The following GLIS3 variants were observed in gnomAD, a reference collection of about 807,000 sequenced individuals.
The protein encoded by GLIS3 is GLIS family zinc finger 3.
Under a neutral mutation model 78.6 loss-of-function variants are expected in GLIS3, and 53 were observed. The ratio of observed to expected loss-of-function variants is 0.67; its 90% CI spans 0.54 to 0.85. GLIS3 has a LOEUF of 0.85. GLIS3 is among the 40% of genes least tolerant of loss of function. The pLI is 0.00. For missense variants in GLIS3, 1,703 were observed against 1,231.1 expected (o/e 1.38, Z -5.74); for synonymous variants, 684 against 509.9 (o/e 1.34, Z -4.60).
the GLIS3 span, among the ~76,000 whole-genome samples, chr9:4,393,930 A>C: frequency 6.6e-6 from 1 of 152,072 alleles, no homozygotes; most frequent in South Asian, 2.1e-4. Context: ...TTTATGACCC[A>C]GTGGGCCTGA....
intron 1 of GLIS3, among the ~76,000 whole-genome samples, chr9:4,298,209 G>C (rs949730451): frequency 5.9e-5 from 9 of 151,968 alleles, no homozygotes; most frequent in African/African-American, 2.2e-4. Flanking sequence ...CCTGTAGCCC[G>C]GGGGCGCCAC....
intron 9 of GLIS3, among the ~76,000 whole-genome samples, chr9:3,840,498 G>A (rs1270209327): frequency 6.6e-6 from 1 of 152,184 alleles, no homozygotes; most frequent in South Asian, 2.1e-4. Flanking sequence ...TAGGAAGACA[G>A]ATTTTTCTGC....
At chr9:4,252,323 G>A (rs1019176661) in intron 2 of GLIS3, among the ~76,000 whole-genome samples, 10 of 151,950 alleles carry the variant, frequency 6.6e-5, no homozygotes, top group Middle Eastern at 3.4e-3. Flanking sequence ...CTTTTTTTCT[G>A]TAAATTTGTC....
chr9:3,915,420 A>C (rs1166501244), intron 6 of GLIS3, among the ~76,000 whole-genome samples: 1 of 152,112 alleles, frequency 6.6e-6, no homozygotes, highest in Non-Finnish European at 1.5e-5. Context: ...CCAGGATTGC[A>C]TTAGTCTTGG....
the GLIS3 span, among the ~76,000 whole-genome samples, chr9:4,364,435 C>A: frequency 6.6e-6 from 1 of 151,892 alleles, no homozygotes. Flanking sequence ...GGTTAAATTG[C>A]TTCAATAAAT....
At chr9:4,464,307 A>ATGAATTTGACAAGCAGTAT in the GLIS3 span, among the ~76,000 whole-genome samples, 7 of 151,934 alleles carry the variant, frequency 4.6e-5, no homozygotes, top group African/African-American at 1.7e-4. Context: ...AATTTTTACC[A>ATGAATTTGACAAGCAGTAT]TGATTTTGAC....
the GLIS3 span, chr9:4,490,349 C>G: frequency 5.5e-6 from 1 of 182,836 alleles, no homozygotes; most frequent in East Asian, 1.6e-4. Context: ...GGACCCCGGG[C>G]GTCCCACGCA....
chr9:3,992,820 C>G (rs950771844), intron 4 of GLIS3, among the ~76,000 whole-genome samples: 1 of 152,180 alleles, frequency 6.6e-6, no homozygotes, highest in African/African-American at 2.4e-5. Context: ...ATAATCTCTA[C>G]CATGACCAAT....
intron 2 of GLIS3, among the ~76,000 whole-genome samples, chr9:4,327,294 G>A (rs1163689486): frequency 6.6e-6 from 1 of 152,192 alleles, no homozygotes. Flanking sequence ...ATGTCAGGGT[G>A]TAGGGCCATG....
chr9:4,187,384 T>C (rs540392438), intron 2 of GLIS3, among the ~76,000 whole-genome samples: 1 of 152,326 alleles, frequency 6.6e-6, no homozygotes, highest in African/African-American at 2.4e-5. Flanking sequence ...TACCATGCTG[T>C]TTTGGTTACT....
chr9:4,252,146 T>C (rs1230245317), intron 2 of GLIS3, among the ~76,000 whole-genome samples: 1 of 152,208 alleles, frequency 6.6e-6, no homozygotes, highest in Non-Finnish European at 1.5e-5. Flanking sequence ...ATTTGAATGT[T>C]GGCCTGTCTT....
chr9:4,159,591 T>C (rs1424202881), intron 2 of GLIS3, among the ~76,000 whole-genome samples: 1 of 152,080 alleles, frequency 6.6e-6, no homozygotes, highest in East Asian at 1.9e-4. Flanking sequence ...TGGTGGCACA[T>C]GCCTGTAATT....
chr9:4,298,080 A>G (rs1816735804), intron 1 of GLIS3, among the ~76,000 whole-genome samples: 1 of 151,890 alleles, frequency 6.6e-6, no homozygotes, highest in Non-Finnish European at 1.5e-5. Context: ...CAACAAAACA[A>G]ACTAGTGCCG....
chr9:4,305,572 T>C (rs1817206921), intron 4 of GLIS3: 1 of 152,214 alleles, frequency 6.6e-6, no homozygotes, highest in Non-Finnish European at 1.5e-5. Context: ...CTCATAAATC[T>C]GGGCCTAAGT....
intron 4 of GLIS3, among the ~76,000 whole-genome samples, chr9:3,956,281 A>T (rs940015689): frequency 2.0e-5 from 3 of 152,326 alleles, no homozygotes; most frequent in South Asian, 2.1e-4. Flanking sequence ...AGCTTAGAGA[A>T]AAATAAGCTA....
At chr9:4,308,598 G>C (rs1817286860) in intron 4 of GLIS3, among the ~76,000 whole-genome samples, 1 of 152,026 alleles carries the variant, frequency 6.6e-6, no homozygotes, top group Admixed American at 6.5e-5. Context: ...TCTCAGTGCT[G>C]GGTTCTCCTT....
chr9:3,979,970 G>A lies in GLIS3; in HGVS notation c.1711-42781C>T, dbSNP rs140995934. 2.0e-3 allele frequency among the ~76,000 whole-genome samples: 300 copies of A among 152,230 alleles called. No homozygotes were observed. The Middle Eastern group carries it at 0.02, about 10-fold the overall frequency. On this transcript the variant is annotated intron_variant, in intron 4 of 10. Transcript: ENST00000381971. ...ACGGCAGATAACGGTAAGTACCATG[G>A]AAGCAGGCAAAAGAGAGGGTGGGGT... is the stretch of plus-strand genomic sequence containing the variant.
intron 4 of GLIS3, among the ~76,000 whole-genome samples, chr9:4,007,933 A>G (rs916617714): frequency 1.3e-5 from 2 of 150,414 alleles, no homozygotes; most frequent in African/African-American, 2.4e-5. Flanking sequence ...TTATCACTCC[A>G]GATAGCTTGG....
rs113997749 is a variant in GLIS3 at position 4,346,561 on chromosome 9, G to C, written n.264+520C>G. On this transcript the variant is annotated intron_variant and non_coding_transcript_variant, in intron 2 of 4. Coordinates refer to the GLIS3 transcript ENST00000471664. ...CAGAGCCACAAAATGTCAATCAACT[G>C]ATAGAAAAAGAGCAGAATTGCCAGT... 7.2e-3 allele frequency among the ~76,000 whole-genome samples: 1,092 copies of C among 152,296 alleles called. 16 individuals carry two copies. The highest frequency in any genetic ancestry group is 0.024 in the African/African-American group (1,017 of 41,556).
Sources: gnomAD v4.1 joint callset for allele counts (sites outside exome capture counted in the v4.1 genomes callset) on GRCh38, gnomAD v4.1.1 for gene constraint, MANE v1.5 for transcripts, NCBI Gene and HGNC (gene_info 2026-07-23, HGNC 2026-07-21) for gene names.